Variants in PLPPR1 observed in about 807,000 individuals in gnomAD.
The protein encoded by PLPPR1 is phospholipid phosphatase related 1.
In PLPPR1, 10 loss-of-function variants were observed where a neutral mutation model predicts 33.1. The ratio of observed to expected loss-of-function variants is 0.30; its 90% CI spans 0.19 to 0.51. PLPPR1 has a LOEUF of 0.51. Among genes scored for constraint, PLPPR1 ranks in the 20% least tolerant of loss-of-function variants. The pLI is 0.97. For missense variants in PLPPR1, 304 were observed against 408.1 expected (o/e 0.74, Z 2.20); for synonymous variants, 151 against 151.0 (o/e 1.00, Z 0.00).
intron 5 of PLPPR1, among the ~76,000 whole-genome samples, chr9:101,312,392 T>G (rs950373422): frequency 1.3e-5 from 2 of 152,202 alleles, no homozygotes; most frequent in Non-Finnish European, 2.9e-5. Flanking sequence ...TACCTGGTCT[T>G]CTCCACCAAA....
chr9:101,111,827 T>C (rs1588033229), intron 1 of PLPPR1, among the ~76,000 whole-genome samples: 1 of 152,174 alleles, frequency 6.6e-6, no homozygotes, highest in Non-Finnish European at 1.5e-5. Flanking sequence ...CGTTTTAAGG[T>C]ATCTGTCCAC....
chr9:101,101,790 G>C (rs187418266), intron 1 of PLPPR1, among the ~76,000 whole-genome samples: 178 of 152,034 alleles, frequency 1.2e-3, no homozygotes, highest in Admixed American at 2.8e-3. Flanking sequence ...CAAGAACTGT[G>C]GTATTTCTTG....
At chr9:101,153,599 G>T (rs573821383) in intron 1 of PLPPR1, among the ~76,000 whole-genome samples, 1 of 152,220 alleles carries the variant, frequency 6.6e-6, no homozygotes, top group South Asian at 2.1e-4. Context: ...TATTGAGACA[G>T]AGTCTCGCTC....
At chr9:101,064,838 A>C (rs1333122837) in intron 1 of PLPPR1, among the ~76,000 whole-genome samples, 1 of 151,950 alleles carries the variant, frequency 6.6e-6, no homozygotes, top group African/African-American at 2.4e-5. Flanking sequence ...GTCTCATGGA[A>C]AGGGGGCTCA....
At chr9:101,234,591 AG>A (rs1827260125) in intron 2 of PLPPR1, among the ~76,000 whole-genome samples, 1 of 151,862 alleles carries the variant, frequency 6.6e-6, no homozygotes, top group African/African-American at 2.4e-5. Context: ...TAATGCTATA[AG>A]GGCTTAAGTT....
chr9:101,187,898 G>A (rs2118722033), intron 2 of PLPPR1: 1 of 152,052 alleles, frequency 6.6e-6, no homozygotes, highest in South Asian at 2.1e-4. Flanking sequence ...GAAGCCAGAA[G>A]TCATTATATG....
chr9:101,170,834 G>T lies in PLPPR1; in HGVS notation c.-45-14616G>T, dbSNP rs555229451. Among the ~76,000 whole-genome samples, 5 of 152,250 alleles carry T rather than the reference G, an allele frequency of 3.3e-5. No individual in the cohort carries two copies. In the East Asian group the frequency reaches 9.7e-4, roughly 29 times the overall value. On this transcript the variant is annotated intron_variant, in intron 1 of 7. Coordinates refer to ENST00000374874, the MANE Select transcript of PLPPR1 (RefSeq NM_207299.2). ...ATGTGCCTGTAATCCCAGCTACTGG[G>T]GAGGCTGAGGTAGGAGGATGACTTG...
chr9:101,079,291 T>A (rs1830586748), intron 1 of PLPPR1, among the ~76,000 whole-genome samples: 1 of 152,234 alleles, frequency 6.6e-6, no homozygotes, highest in Non-Finnish European at 1.5e-5. Context: ...TTTTCTGCTT[T>A]CTTGTGTAAA....
At chr9:101,271,585 T>C (rs1259770291) in intron 3 of PLPPR1, among the ~76,000 whole-genome samples, 1 of 152,132 alleles carries the variant, frequency 6.6e-6, no homozygotes, top group Non-Finnish European at 1.5e-5. Context: ...AGGACACCTT[T>C]CCATGTACCT....
intron 1 of PLPPR1, among the ~76,000 whole-genome samples, chr9:101,083,269 C>A (rs111965237): frequency 0.039 from 5,865 of 151,886 alleles, 174 homozygotes; most frequent in East Asian, 0.08. Flanking sequence ...AACGATTCTC[C>A]TGCCTCAGCC....
In PLPPR1 at chr9:101,324,201, A is replaced by T; in HGVS notation, c.*144A>T. On this transcript the variant is annotated 3_prime_UTR_variant, in exon 8 of 8. Coordinates refer to ENST00000374874, the MANE Select transcript of PLPPR1 (RefSeq NM_207299.2). ...TAATGTTTTGTACATTTTTTGTATGAGGAAGTGATGTAGCTTGCCCTGATT... is the reference window on the plus strand; with the variant it reads ...TAATGTTTTGTACATTTTTTGTATGTGGAAGTGATGTAGCTTGCCCTGATT... 2 of 564,110 alleles carry T rather than the reference A, an allele frequency of 3.5e-6. No individual in the cohort carries two copies. Among genetic ancestry groups the T allele is most frequent in the Non-Finnish European group, 6.0e-6 (2 of 333,962 alleles). 34.9% of individuals were successfully genotyped at this position (564,110 alleles called of 1,614,324 possible).
At chr9:101,031,866 G>T (rs1295548132) in intron 1 of PLPPR1, among the ~76,000 whole-genome samples, 1 of 152,198 alleles carries the variant, frequency 6.6e-6, no homozygotes, top group Non-Finnish European at 1.5e-5. Flanking sequence ...TAGAGCCATT[G>T]AGGGTGAACA....
At chr9:101,180,705 G>A (rs1218015318) in intron 1 of PLPPR1, among the ~76,000 whole-genome samples, 1 of 151,670 alleles carries the variant, frequency 6.6e-6, no homozygotes, top group Admixed American at 6.6e-5. Context: ...AACAAAATTG[G>A]ACTCTTATTC....
chr9:101,080,769 G>A (rs1266171051), intron 1 of PLPPR1, among the ~76,000 whole-genome samples: 2 of 152,056 alleles, frequency 1.3e-5, no homozygotes, highest in African/African-American at 4.8e-5. Context: ...TTTTCAGTAT[G>A]GGGCTTTGCA....
intron 1 of PLPPR1, among the ~76,000 whole-genome samples, chr9:101,180,851 C>T (rs1048123836): frequency 6.6e-6 from 1 of 151,622 alleles, no homozygotes; most frequent in African/African-American, 2.4e-5. Context: ...AGATATGACC[C>T]CAAAAGCACA....
chr9:101,188,968 G>A (rs986362157), intron 2 of PLPPR1, among the ~76,000 whole-genome samples: 1 of 151,764 alleles, frequency 6.6e-6, no homozygotes, highest in African/African-American at 2.4e-5. Flanking sequence ...CTCTCCTACT[G>A]TAATTTGCTC....
Position 101,148,557 on chromosome 9 carries a change from C to A in PLPPR1, c.-45-36893C>A, listed in dbSNP as rs143283077. On this transcript the variant is annotated intron_variant, in intron 1 of 7. Coordinates refer to ENST00000374874, the MANE Select transcript of PLPPR1 (RefSeq NM_207299.2). Reference sequence around the variant, plus strand: ...CCCATTATGTGAGGTTAAGCCCTTTCTGTCTTTTGTTAAGCCCCTCCATTA... The same window carrying A: ...CCCATTATGTGAGGTTAAGCCCTTTATGTCTTTTGTTAAGCCCCTCCATTA... 2.4e-3 allele frequency among the ~76,000 whole-genome samples: 358 copies of A among 152,310 alleles called. 3 individuals are homozygous for A. The highest frequency in any genetic ancestry group is 7.7e-3 in the African/African-American group (319 of 41,574).
intron 1 of PLPPR1, among the ~76,000 whole-genome samples, chr9:101,063,545 C>A (rs1459894548): frequency 6.6e-6 from 1 of 152,086 alleles, no homozygotes; most frequent in African/African-American, 2.4e-5. Context: ...CTCCTCAACA[C>A]AGAATAGACA....
intron 3 of PLPPR1, among the ~76,000 whole-genome samples, chr9:101,282,474 T>C (rs1242283729): frequency 6.6e-6 from 1 of 152,158 alleles, no homozygotes; most frequent in African/African-American, 2.4e-5. Flanking sequence ...CGGAGAAAAG[T>C]TGAAAGTTTT....
Sources: gnomAD v4.1 joint callset for allele counts (sites outside exome capture counted in the v4.1 genomes callset) on GRCh38, gnomAD v4.1.1 for gene constraint, MANE v1.5 for transcripts, NCBI Gene and HGNC (gene_info 2026-07-23, HGNC 2026-07-21) for gene names.